Variants in PPP1R13B observed in about 807,000 individuals in gnomAD.
PPP1R13B encodes apoptosis-stimulating of p53 protein 1.
In PPP1R13B, 44 loss-of-function variants were observed where a neutral mutation model predicts 119.8. The ratio of observed to expected loss-of-function variants is 0.37; its 90% CI spans 0.29 to 0.47. The LOEUF is 0.47. PPP1R13B is among the 20% of genes least tolerant of loss of function. The probability of loss-of-function intolerance (pLI) is 0.99; values close to 1 mark genes in which losing one functional copy is unlikely to be tolerated. For missense variants in PPP1R13B, 1,227 were observed against 1,413.5 expected (o/e 0.87, Z 2.12); for synonymous variants, 542 against 561.5 (o/e 0.97, Z 0.49).
At position 103,749,902 on chromosome 14, in the gene PPP1R13B, T is replaced by C. The variant is rs1412497693; in HGVS notation, c.861A>G (p.Ser287=). The C allele has an allele frequency of 1.1e-5, 17 of 1,614,030 alleles. No individual in the cohort carries two copies. The highest frequency in any genetic ancestry group is 1.4e-5 in the Non-Finnish European group (16 of 1,180,026). The change falls in exon 8 of 17, where the codon TCA becomes TCG. Residue 287 remains serine, a synonymous_variant. Coordinates refer to ENST00000202556, the MANE Select transcript of PPP1R13B (RefSeq NM_015316.3). The stretch of plus-strand genomic sequence containing the variant: ...AGAGTTCCTTCTGCTGCTGAAGTTT[T>C]GAATTTTGTTCCTGGTTAAGTTGGT... ...IRNQLNQEQN[S]KLQQQKELLN...
intron 1 of PPP1R13B, among the ~76,000 whole-genome samples, chr14:103,819,500 A>T (rs1366993249): frequency 1.7e-5 from 2 of 115,372 alleles, no homozygotes; most frequent in African/African-American, 7.5e-5. Flanking sequence ...TCTGTCTATT[A>T]AAAAAAACAA....
chr14:103,848,495 G>A, upstream of PPP1R13B: 1 of 985,450 alleles, frequency 1.0e-6, no homozygotes, highest in Non-Finnish European at 1.2e-6. Flanking sequence ...GGTGCCATTC[G>A]CCCGGACCGC....
chr14:103,816,037 T>C (rs2086271206), intron 1 of PPP1R13B, among the ~76,000 whole-genome samples: 1 of 151,898 alleles, frequency 6.6e-6, no homozygotes, highest in Non-Finnish European at 1.5e-5. Flanking sequence ...TGAGCTGAGA[T>C]CGCGCCACTG....
chr14:103,776,182 G>GAGGGAGGAAGGA (rs1185594325), intron 4 of PPP1R13B, among the ~76,000 whole-genome samples: 1 of 76,444 alleles, frequency 1.3e-5, no homozygotes, highest in Non-Finnish European at 2.4e-5. Flanking sequence ...GGGAGGGAGG[G>GAGGGAGGAAGGA]AGGGAGGAAG....
At position 103,778,725 on chromosome 14, in the gene PPP1R13B, T is replaced by C. The variant is rs2085269385; in HGVS notation, c.354+20A>G. Reference sequence around the variant, plus strand: ...CTAGCCATCAATTTTTAAAATTCAATTTAATTCACTGTCACTTACCCCATT... The same window carrying C: ...CTAGCCATCAATTTTTAAAATTCAACTTAATTCACTGTCACTTACCCCATT... On this transcript the variant is annotated intron_variant, in intron 4 of 16. Transcript: ENST00000202556. 23 of 1,599,288 alleles carry C rather than the reference T, an allele frequency of 1.4e-5. No individual in the cohort carries two copies. The highest frequency in any genetic ancestry group is 1.9e-5 in the Non-Finnish European group (22 of 1,167,374).
intron 8 of PPP1R13B, among the ~76,000 whole-genome samples, chr14:103,747,848 G>A (rs1456609342): frequency 6.6e-6 from 1 of 152,182 alleles, no homozygotes; most frequent in Non-Finnish European, 1.5e-5. Flanking sequence ...AGATTTGAGT[G>A]AAGCAGATGA....
intron 1 of PPP1R13B, among the ~76,000 whole-genome samples, chr14:103,817,335 C>T (rs1293621114): frequency 6.6e-6 from 1 of 151,940 alleles, no homozygotes; most frequent in Non-Finnish European, 1.5e-5. Flanking sequence ...TGTTCAATAA[C>T]AACTGTAACC....
intron 2 of PPP1R13B, among the ~76,000 whole-genome samples, chr14:103,795,864 A>C (rs1234428390): frequency 6.6e-6 from 1 of 152,174 alleles, no homozygotes; most frequent in Non-Finnish European, 1.5e-5. Flanking sequence ...AAAATTCTTT[A>C]CTCTGAATTC....
chr14:103,733,648 A>C lies in PPP1R13B; in HGVS notation c.*1506T>G, dbSNP rs2151954770. 1 of 152,864 alleles carries C rather than the reference A, an allele frequency of 6.5e-6. No homozygotes were observed. Among genetic ancestry groups the C allele is most frequent in the Non-Finnish European group, 1.5e-5 (1 of 68,110 alleles). 9.5% of individuals were successfully genotyped at this position (152,864 alleles called of 1,614,324 possible). Reference sequence around the variant, plus strand: ...ATTTGTATATAAAGCTTATGATTAAAAACTATTTTGAACATACGGACAAGG... The same window carrying C: ...ATTTGTATATAAAGCTTATGATTAACAACTATTTTGAACATACGGACAAGG... On this transcript the variant is annotated 3_prime_UTR_variant, in exon 17 of 17. Transcript: ENST00000202556.
chr14:103,792,096 C>T (rs1418890524), intron 2 of PPP1R13B, among the ~76,000 whole-genome samples: 2 of 151,660 alleles, frequency 1.3e-5, no homozygotes, highest in African/African-American at 2.4e-5. Flanking sequence ...CTGAACATAA[C>T]CTAATAAAAA....
At chr14:103,810,331 A>G (rs1277315984) in intron 1 of PPP1R13B, among the ~76,000 whole-genome samples, 1 of 152,068 alleles carries the variant, frequency 6.6e-6, no homozygotes, top group Non-Finnish European at 1.5e-5. Context: ...CTGAGACAGG[A>G]GAATCGTTTG....
intron 3 of PPP1R13B, among the ~76,000 whole-genome samples, chr14:103,782,714 A>C (rs1251445825): frequency 3.3e-5 from 5 of 152,180 alleles, no homozygotes; most frequent in African/African-American, 1.2e-4. Flanking sequence ...GTCTTTTATT[A>C]GGAATAAGGT....
chr14:103,817,821 G>A (rs1468340129), intron 1 of PPP1R13B, among the ~76,000 whole-genome samples: 3 of 151,694 alleles, frequency 2.0e-5, no homozygotes, highest in African/African-American at 7.3e-5. Flanking sequence ...AGATGCTTCA[G>A]ACATGACAAT....
At chr14:103,803,963 C>A (rs1460188790) in intron 1 of PPP1R13B, 1 of 796,096 alleles carries the variant, frequency 1.3e-6, no homozygotes, top group Admixed American at 6.2e-5. Flanking sequence ...CAGACTGTGG[C>A]TATTTATAGT....
At chr14:103,803,567 C>T (rs2085950036) in intron 1 of PPP1R13B, among the ~76,000 whole-genome samples, 1 of 152,044 alleles carries the variant, frequency 6.6e-6, no homozygotes, top group African/African-American at 2.4e-5. Flanking sequence ...GCTGTGAACC[C>T]GGGAGGTGGA....
chr14:103,762,955 A>G lies in PPP1R13B; in HGVS notation c.355-5204T>C, dbSNP rs1485512203. On this transcript the variant is annotated intron_variant, in intron 4 of 16. Transcript: ENST00000202556. ...TCCCCGTCTACAGTATCTGCTAAATAAAAGTACCAGCCTCTCAGCCCATAG... is the reference window on the plus strand; with the variant it reads ...TCCCCGTCTACAGTATCTGCTAAATGAAAGTACCAGCCTCTCAGCCCATAG... 9 of 1,093,120 alleles carry G rather than the reference A, an allele frequency of 8.2e-6. No individual in the cohort carries two copies. In the African/African-American group the frequency reaches 9.3e-5, roughly 11 times the overall value. The allele number at this position is 1,093,120 out of a possible 1,614,324, so 67.7% of individuals were successfully genotyped here.
At chr14:103,827,847 A>T (rs2086584456) in intron 1 of PPP1R13B, among the ~76,000 whole-genome samples, 1 of 152,100 alleles carries the variant, frequency 6.6e-6, no homozygotes, top group Admixed American at 6.6e-5. Flanking sequence ...AGCAGCTACT[A>T]TTGCTATTAT....
intron 2 of PPP1R13B, among the ~76,000 whole-genome samples, chr14:103,792,249 TG>T (rs1042596378): frequency 2.0e-5 from 3 of 151,724 alleles, no homozygotes; most frequent in African/African-American, 7.3e-5. Context: ...TCACCCAGGC[TG>T]GAGCACTGAA....
chr14:103,779,635 A>G (rs2085292269), intron 3 of PPP1R13B, among the ~76,000 whole-genome samples: 1 of 151,142 alleles, frequency 6.6e-6, no homozygotes, highest in South Asian at 2.1e-4. Flanking sequence ...TACAGAAAGT[A>G]GCGAGGCATG....
Sources: gnomAD v4.1 joint callset for allele counts (sites outside exome capture counted in the v4.1 genomes callset) on GRCh38, gnomAD v4.1.1 for gene constraint, MANE v1.5 for transcripts, NCBI Gene and HGNC (gene_info 2026-07-23, HGNC 2026-07-21) for gene names.